The following COL17A1 variants were observed in gnomAD, a reference collection of about 807,000 sequenced individuals.
COL17A1 encodes the protein collagen type XVII alpha 1 chain.
Under a neutral mutation model 218.4 loss-of-function variants are expected in COL17A1, and 181 were observed. The ratio of observed to expected loss-of-function variants is 0.83; its 90% CI spans 0.73 to 0.94. The LOEUF (loss-of-function observed/expected upper bound fraction) is 0.94, where lower values mean the gene tolerates loss of function less well. Among genes scored for constraint, COL17A1 ranks in the 40% least tolerant of loss-of-function variants. The probability of loss-of-function intolerance (pLI) is 0.00; values close to 1 mark genes in which losing one functional copy is unlikely to be tolerated. For missense variants in COL17A1, 1,924 were observed against 1,945.9 expected (o/e 0.99, Z 0.21); for synonymous variants, 721 against 731.0 (o/e 0.99, Z 0.22).
chr10:104,081,141 C>T (rs2086761547), intron 1 of COL17A1, among the ~76,000 whole-genome samples: 1 of 152,194 alleles, frequency 6.6e-6, no homozygotes, highest in African/African-American at 2.4e-5. Flanking sequence ...GACATTCATG[C>T]TTCATTATTT....
chr10:104,042,289 C>T, intron 36 of COL17A1, 131 bp downstream of exon 36: 1 of 936,684 alleles, frequency 1.1e-6, no homozygotes. Context: ...CGGTGAAGAG[C>T]CCTGGCCCTG....
At chr10:104,063,997 C>A (rs921769945) in intron 10 of COL17A1, among the ~76,000 whole-genome samples, 179 bp from the exon 11 acceptor site, 1 of 152,208 alleles carries the variant, frequency 6.6e-6, no homozygotes, top group African/African-American at 2.4e-5. Flanking sequence ...CACTAGCCTG[C>A]ACTGCACCTT....
intron 2 of COL17A1, among the ~76,000 whole-genome samples, chr10:104,078,872 T>C (rs1353319375): frequency 6.6e-6 from 1 of 152,204 alleles, no homozygotes; most frequent in Non-Finnish European, 1.5e-5. Context: ...TGTCTCTCCT[T>C]GGACAATTAG....
intron 11 of COL17A1, among the ~76,000 whole-genome samples, chr10:104,062,611 G>A (rs2086592712): frequency 6.6e-6 from 1 of 152,196 alleles, no homozygotes; most frequent in Non-Finnish European, 1.5e-5. Flanking sequence ...GTTGCTGACA[G>A]ATCTCTCAAA....
Position 104,032,390 on chromosome 10 carries a change from C to T in COL17A1, c.4439-100G>A. 7 of 1,022,104 alleles carry T rather than the reference C, an allele frequency of 6.8e-6. No homozygotes were observed. The Admixed American group carries it at 1.2e-4, about 18-fold the overall frequency. The allele number at this position is 1,022,104 out of a possible 1,614,324, so 63.3% of individuals were successfully genotyped here. The stretch of plus-strand genomic sequence containing the variant: ...GCAACCGTGACTACTGCAAAGATGG[C>T]TTCAAAGGTGAAATCTTTTGTAAGA... On this transcript the variant is annotated intron_variant, in intron 55 of 55. Transcript: ENST00000648076.
intron 28 of COL17A1, 133 bp downstream of exon 28, chr10:104,049,956 T>G: frequency 7.1e-7 from 1 of 1,413,816 alleles, no homozygotes; most frequent in Non-Finnish European, 9.8e-7. Context: ...TCTTGTGTTT[T>G]TTCTAGATCA....
intron 35 of COL17A1, 104 bp downstream of exon 35, chr10:104,043,397 G>T: frequency 9.5e-7 from 1 of 1,049,744 alleles, no homozygotes; most frequent in Non-Finnish European, 1.5e-6. Flanking sequence ...CTCTTTACCA[G>T]GTTCAGTTCC....
At chr10:104,056,109 G>T in intron 17 of COL17A1, 106 bp from the exon 18 acceptor site, 2 of 1,306,182 alleles carry the variant, frequency 1.5e-6, no homozygotes, top group Non-Finnish European at 2.2e-6. Context: ...GCCTGTGGTG[G>T]CTTCTTCATG....
At chr10:104,075,826 C>G (rs1425068486) in intron 5 of COL17A1, among the ~76,000 whole-genome samples, 1 of 152,264 alleles carries the variant, frequency 6.6e-6, no homozygotes, top group African/African-American at 2.4e-5. Flanking sequence ...AGTCCCATCT[C>G]TCCATCTTTG....
chr10:104,043,653 T>C, intron 34 of COL17A1, 72 bp from the exon 35 acceptor site: 14 of 1,552,370 alleles, frequency 9.0e-6, no homozygotes, highest in Non-Finnish European at 1.2e-5. Context: ...CCAAGCCAGG[T>C]TGTGGTGGGC....
At chr10:104,059,484 T>A (rs1472882533) in intron 15 of COL17A1, 154 bp downstream of exon 15, 38 of 723,644 alleles carry the variant, frequency 5.3e-5, no homozygotes, top group Non-Finnish European at 7.3e-5. Context: ...AGATCTGAGC[T>A]AGGGCTGGGA....
intron 22 of COL17A1, 85 bp downstream of exon 22, chr10:104,053,835 T>C: frequency 3.7e-6 from 3 of 818,666 alleles, no homozygotes; most frequent in Non-Finnish European, 6.3e-6. Context: ...AAACAAGGCC[T>C]CACATACAGC....
chr10:104,035,737 G>A (rs1309754306), intron 48 of COL17A1, among the ~76,000 whole-genome samples, 174 bp from the exon 49 acceptor site: 2 of 150,030 alleles, frequency 1.3e-5, no homozygotes, highest in Admixed American at 6.6e-5. Flanking sequence ...AGGGGCCCAC[G>A]GGGCCGGAGA....
chr10:104,039,677 C>T, intron 41 of COL17A1, 37 bp from the exon 42 acceptor site: 15 of 1,614,004 alleles, frequency 9.3e-6, no homozygotes, highest in Non-Finnish European at 1.2e-5. Flanking sequence ...GTCAGCCTCA[C>T]TTTTCTCACC....
In COL17A1 at chr10:104,043,859, A is replaced by T. The variant is rs549728304; in HGVS notation, c.2400T>A (p.Gly800=). 1.9e-5 allele frequency: 30 copies of T among 1,614,158 alleles called. No homozygotes were observed. The Admixed American group carries it at 3.3e-4, about 18-fold the overall frequency. Residue 800 remains glycine, a splice_region_variant and synonymous_variant, in exon 34 of 56, where the codon GGT becomes GGA. Transcript: ENST00000648076. ...PGTPGRPGIK[G]EPGAPGKIVT... ...CGATCTTGCCTGGAGCTCCTGGTTC[A>T]CCTAGGAAGAGAGGAAAAGGCTGAG...
chr10:104,077,373 CTCTT>C (rs1166944237), intron 4 of COL17A1, 45 bp downstream of exon 4: 1 of 1,466,118 alleles, frequency 6.8e-7, no homozygotes, highest in Admixed American at 1.8e-5. Context: ...TGGTGTCTCT[CTCTT>C]TGTCACCCAT....
chr10:104,080,997 C>T (rs895746006), intron 1 of COL17A1, among the ~76,000 whole-genome samples: 2 of 152,186 alleles, frequency 1.3e-5, no homozygotes, highest in Non-Finnish European at 2.9e-5. Context: ...CTTTGTTTGA[C>T]TATAAAACCT....
chr10:104,063,155 C>T (rs778936388), intron 11 of COL17A1, among the ~76,000 whole-genome samples: 3 of 152,174 alleles, frequency 2.0e-5, no homozygotes, highest in Non-Finnish European at 4.4e-5. Context: ...TTATTAGTCA[C>T]ATTATCACAT....
chr10:104,035,379 A>G lies in COL17A1; in HGVS notation c.3509-6T>C, dbSNP rs372347007. Reference sequence around the variant, plus strand: ...GATGCCTCTGAATTCAGACCCTGAGACACCAAGGGAGGGCACGGAGTCAGT... The same window carrying G: ...GATGCCTCTGAATTCAGACCCTGAGGCACCAAGGGAGGGCACGGAGTCAGT... On this transcript the variant is annotated splice_region_variant and splice_polypyrimidine_tract_variant and intron_variant, in intron 49 of 55. Transcript: ENST00000648076. 8.7e-6 allele frequency: 14 copies of G among 1,614,020 alleles called. No homozygotes were observed. The highest frequency in any genetic ancestry group is 1.7e-5 in the Admixed American group (1 of 60,028).
Sources: allele counts gnomAD v4.1 joint callset (sites outside exome capture counted in the v4.1 genomes callset), GRCh38; gene constraint gnomAD v4.1.1; transcripts MANE v1.5; gene names NCBI Gene and HGNC (gene_info 2026-07-23, HGNC 2026-07-21).